Variants in DLX5 observed in about 807,000 individuals in gnomAD.
DLX5 encodes homeobox protein DLX-5.
DLX5 carries 8 observed loss-of-function variants against 27.1 expected under a neutral mutation model. The observed-to-expected ratio is 0.30, with a 90% CI of 0.17 to 0.53. The LOEUF (loss-of-function observed/expected upper bound fraction) is 0.53, where lower values mean the gene tolerates loss of function less well. Among genes scored for constraint, DLX5 ranks in the 20% least tolerant of loss-of-function variants. The pLI is 0.95. For synonymous variants in DLX5, 178 were observed against 161.9 expected (o/e 1.10, Z -0.75); for missense variants, 339 against 375.1 (o/e 0.90, Z 0.80).
chr7:97,020,860 G>A lies in DLX5; in HGVS notation c.746C>T (p.Ala249Val), dbSNP rs762671104. The A allele has an allele frequency of 1.2e-6, 2 of 1,614,186 alleles. No homozygotes were observed. Among genetic ancestry groups the A allele is most frequent in the Admixed American group, 1.7e-5 (1 of 60,032 alleles). The part of the protein sequence containing the change: ...AHPPTSNQSP[A>V]SSYLENSASW... ...TGCAGAGTTCTCCAGGTAGCTGGAC[G>A]CTGGGGACTGGTTGGAGGTCGGAGG... Residue 249 changes from alanine (A) to valine (V), a missense_variant, in exon 3 of 3, where the codon GCG becomes GTG. Ala to Val is a moderately conservative substitution (Grantham distance 64). This residue lies in a region of DLX5 where 136 missense variants were observed against 130.3 expected (regional missense o/e 1.04). Coordinates refer to ENST00000648378, the MANE Select transcript of DLX5 (RefSeq NM_005221.6).
At position 97,024,165 on chromosome 7, in the gene DLX5, C is replaced by T; in HGVS notation, c.355+104G>A. ...TCCTACTCCCTTCTGCCGCGTGCGC[C>T]CCCACTGCCGTGAACCGCTGTGACC... is the stretch of plus-strand genomic sequence containing the variant. On this transcript the variant is annotated intron_variant, in intron 1 of 2. Coordinates refer to ENST00000648378, the MANE Select transcript of DLX5 (RefSeq NM_005221.6). The surrounding 1 kb of genome is among the most constrained non-coding windows in gnomAD (Gnocchi z 4.6). 2 of 1,078,900 alleles carry T rather than the reference C, an allele frequency of 1.9e-6. No individual in the cohort carries two copies. The highest frequency in any genetic ancestry group is 2.6e-6 in the Non-Finnish European group (2 of 760,744). 66.8% of individuals were successfully genotyped at this position (1,078,900 alleles called of 1,614,324 possible).
chr7:97,021,396 TGCGCAGGAC>T (rs1790053607), intron 2 of DLX5, among the ~76,000 whole-genome samples: 1 of 152,140 alleles, frequency 6.6e-6, no homozygotes, highest in Admixed American at 6.5e-5. Flanking sequence ...CGTGTAAGCC[TGCGCAGGAC>T]GCGCGGAACG....
rs3214218 is a variant in DLX5 at position 97,020,572 on chromosome 7, A to AG, written c.*163dup. The AG allele has an allele frequency of 0.31, 202,250 of 662,438 alleles. 34,163 individuals carry two copies. The highest frequency in any genetic ancestry group is 0.36 in the Middle Eastern group (807 of 2,242). 41.0% of individuals were successfully genotyped at this position (662,438 alleles called of 1,614,324 possible). Reference sequence around the variant, plus strand: ...CGCAAAAAAAGTCCTCTGTAAAAAAAGGGGGGGTCTTTTGAAATGCAATAA... The same window carrying AG: ...CGCAAAAAAAGTCCTCTGTAAAAAAAGGGGGGGGTCTTTTGAAATGCAATAA... On this transcript the variant is annotated 3_prime_UTR_variant, in exon 3 of 3. Transcript: ENST00000648378.
At position 97,020,784 on chromosome 7, in the gene DLX5, C is replaced by T. The variant is rs1790028896; in HGVS notation, c.822G>A (p.Pro274=). 1.2e-6 allele frequency: 2 copies of T among 1,610,414 alleles called. No homozygotes were observed. The highest frequency in any genetic ancestry group is 1.1e-5 in the South Asian group (1 of 90,772). Residue 274 remains proline, a synonymous_variant, in exon 3 of 3, where the codon CCG becomes CCA. Transcript: ENST00000648378. ...GCGCCAGCGGGTGCTGTAAGGAGCC[C>T]GGCGGCGGCAGGTGGGAATTGATTG... The part of the protein sequence containing the change: ...ASSINSHLPP[P]GSLQHPLALA...
intron 1 of DLX5, chr7:97,022,717 C>A (rs1790096591): frequency 2.4e-6 from 1 of 417,302 alleles, no homozygotes; most frequent in African/African-American, 2.2e-5. Flanking sequence ...GTTTCCGCCC[C>A]TCCCCAGGCT....
At chr7:97,023,022 G>GC (rs1196361141) in intron 1 of DLX5, among the ~76,000 whole-genome samples, 2 of 33,186 alleles carry the variant, frequency 6.0e-5, no homozygotes, top group Non-Finnish European at 1.1e-4. Flanking sequence ...TATGTTCTTG[G>GC]CAAAAAAAAA....
intron 2 of DLX5, among the ~76,000 whole-genome samples, chr7:97,021,349 G>C (rs1217817217): frequency 6.6e-6 from 1 of 152,210 alleles, no homozygotes; most frequent in Non-Finnish European, 1.5e-5. Flanking sequence ...CCAGCGCGGC[G>C]GGTGTGCGCC....
rs768983389 is a variant in DLX5, at chr7:97,020,844, C to G, written c.762G>C (p.Glu254Asp). 1.2e-6 allele frequency: 2 copies of G among 1,614,142 alleles called. No homozygotes were observed. ...CACTTGTGTACCAGGATGCAGAGTT[C>G]TCCAGGTAGCTGGACGCTGGGGACT... ...SNQSPASSYL[E>D]NSASWYTSAA... The change falls in exon 3 of 3, where the codon GAG becomes GAC. Residue 254 changes from glutamate to aspartate, a missense_variant. This residue lies in a region of DLX5 where 136 missense variants were observed against 130.3 expected (regional missense o/e 1.04). Transcript: ENST00000648378.
At chr7:97,023,054 A>G (rs988354499) in intron 1 of DLX5, among the ~76,000 whole-genome samples, 1 of 148,812 alleles carries the variant, frequency 6.7e-6, no homozygotes, top group Non-Finnish European at 1.5e-5. Flanking sequence ...GAAATCTTCC[A>G]CTTATGCACG....
chr7:97,023,023 CAAAAAAAAAA>C (rs10716251), intron 1 of DLX5, among the ~76,000 whole-genome samples: 7 of 105,006 alleles, frequency 6.7e-5, no homozygotes, highest in East Asian at 3.0e-4. Flanking sequence ...ATGTTCTTGG[CAAAAAAAAAA>C]AAAAAAAAAA....
chr7:97,023,407 G>T (rs1029799653), intron 1 of DLX5, among the ~76,000 whole-genome samples: 12 of 151,410 alleles, frequency 7.9e-5, no homozygotes, highest in Non-Finnish European at 1.5e-4. Flanking sequence ...GAGGATGAGG[G>T]CTGTGGTCTC....
At position 97,024,128 on chromosome 7, in the gene DLX5, G is replaced by T; in HGVS notation, c.355+141C>A. 1 of 736,174 alleles carries T rather than the reference G, an allele frequency of 1.4e-6. No individual in the cohort carries two copies. The highest frequency in any genetic ancestry group is 2.2e-6 in the Non-Finnish European group (1 of 462,158). The allele number at this position is 736,174 out of a possible 1,614,324, so 45.6% of individuals were successfully genotyped here. ...GCTGGCCCGAGAAACTCTCTTTGTTGGAGGGTCTGAGTCCTACTCCCTTCT... is the reference window on the plus strand; with the variant it reads ...GCTGGCCCGAGAAACTCTCTTTGTTTGAGGGTCTGAGTCCTACTCCCTTCT... On this transcript the variant is annotated intron_variant, in intron 1 of 2. Transcript: ENST00000648378. The surrounding 1 kb of genome is among the most constrained non-coding windows in gnomAD (Gnocchi z 4.6).
In DLX5 at chr7:97,024,345, G is replaced by C. The variant is rs1790138485; in HGVS notation, c.279C>G (p.Ala93=). Residue 93 remains alanine (A), a synonymous_variant, in exon 1 of 3, where the codon GCC becomes GCG. Transcript: ENST00000648378. The surrounding 1 kb of genome is among the most constrained non-coding windows in gnomAD (Gnocchi z 4.6). ...SAGSYPAKAY[A]DYSYASSYHQ... ...GGTAGGAGCTAGCGTAGCTATAGTC[G>C]GCATAAGCTTTGGCTGGGTAGCTCC... 2 of 1,614,120 alleles carry C rather than the reference G, an allele frequency of 1.2e-6. No homozygotes were observed. The highest frequency in any genetic ancestry group is 1.7e-6 in the Non-Finnish European group (2 of 1,180,056).
At chr7:97,022,603 C>T (rs933313830) in intron 1 of DLX5, 8 of 985,310 alleles carry the variant, frequency 8.1e-6, no homozygotes, top group Non-Finnish European at 9.6e-6. Flanking sequence ...TTGTGCAAAG[C>T]GCTTCCTACA....
At position 97,024,688 on chromosome 7, in the gene DLX5, G is replaced by C; in HGVS notation, c.-65C>G. 7.2e-7 allele frequency: 1 copy of C among 1,392,642 alleles called. No individual in the cohort carries two copies. Among genetic ancestry groups the C allele is most frequent in the Non-Finnish European group, 9.9e-7 (1 of 1,007,980 alleles). 86.3% of individuals were successfully genotyped at this position (1,392,642 alleles called of 1,614,324 possible). ...GCGGCGGCAGCTGCCCTAGTTGGCT[G>C]TGGGGCTGCTCTGGTCTAAGCAGAC... is the stretch of plus-strand genomic sequence containing the variant. On this transcript the variant is annotated 5_prime_UTR_variant, in exon 1 of 3. Coordinates refer to ENST00000648378, the MANE Select transcript of DLX5 (RefSeq NM_005221.6). This position sits in a 1 kb window ranked among gnomAD's most constrained non-coding sequence, Gnocchi z 4.6.
chr7:97,023,601 G>A (rs1226090674), intron 1 of DLX5, among the ~76,000 whole-genome samples: 1 of 151,954 alleles, frequency 6.6e-6, no homozygotes. Flanking sequence ...AGGACGGAAA[G>A]ACAAATTGTG....
chr7:97,024,184 T>A lies in DLX5; in HGVS notation c.355+85A>T, dbSNP rs1004637237. 1.2e-5 allele frequency: 16 copies of A among 1,339,628 alleles called. No homozygotes were observed. The highest frequency in any genetic ancestry group is 4.5e-5 in the Admixed American group (2 of 44,038). 83.0% of individuals were successfully genotyped at this position (1,339,628 alleles called of 1,614,324 possible). A position where few individuals can be genotyped will look rare whatever the true frequency, so the allele number is the denominator to read the frequency against. On this transcript the variant is annotated intron_variant, in intron 1 of 2. Coordinates refer to ENST00000648378, the MANE Select transcript of DLX5 (RefSeq NM_005221.6). This position sits in a 1 kb window ranked among gnomAD's most constrained non-coding sequence, Gnocchi z 4.6. The stretch of plus-strand genomic sequence containing the variant: ...GTGCGCCCCCACTGCCGTGAACCGC[T>A]GTGACCCCCAATCTACCACCCCATC...
At chr7:97,021,963 G>T in intron 2 of DLX5, 1 of 620,670 alleles carries the variant, frequency 1.6e-6, no homozygotes, top group Non-Finnish European at 2.8e-6. Context: ...GTGGGGGCGG[G>T]GGGCGCGGTT....
intron 1 of DLX5, among the ~76,000 whole-genome samples, chr7:97,023,340 GTGT>G (rs1790117543): frequency 1.0e-4 from 2 of 19,930 alleles, no homozygotes; most frequent in Non-Finnish European, 2.2e-4. Flanking sequence ...TCTCCAGGGT[GTGT>G]GTGTGTGTGT....
Sources: allele counts gnomAD v4.1 joint callset (sites outside exome capture counted in the v4.1 genomes callset), GRCh38; gene constraint gnomAD v4.1.1; regional missense constraint gnomAD v4.1.1; non-coding constraint Gnocchi (gnomAD v3.1); transcripts MANE v1.5; gene names NCBI Gene and HGNC (gene_info 2026-07-23, HGNC 2026-07-21).